DNAJC1: variants seen among roughly 807,000 people sequenced by gnomAD.
The protein encoded by DNAJC1 is dnaJ homolog subfamily C member 1.
A neutral mutation model predicts 76.6 loss-of-function variants in DNAJC1; 58 were observed. The observed-to-expected ratio is 0.76, with a 90% CI of 0.61 to 0.94. The LOEUF is 0.94. Ranked by LOEUF, DNAJC1 falls within the 40% of genes least tolerant of loss-of-function variation. DNAJC1 has a pLI of 0.00. For synonymous variants in DNAJC1, 258 were observed against 267.9 expected (o/e 0.96, Z 0.36); for missense variants, 689 against 677.3 (o/e 1.02, Z -0.19).
chr10:21,986,032 C>T (rs1176390937), intron 1 of DNAJC1, among the ~76,000 whole-genome samples: 6 of 152,172 alleles, frequency 3.9e-5, no homozygotes, highest in Non-Finnish European at 8.8e-5. Context: ...TGGAGACCAT[C>T]CTAGCTAACA....
At chr10:21,881,844 TAAAAAAAAAAAAAAAAAAAAAA>T (rs1002377641) in intron 8 of DNAJC1, among the ~76,000 whole-genome samples, 1 of 55,414 alleles carries the variant, frequency 1.8e-5, no homozygotes, top group East Asian at 5.1e-4. Flanking sequence ...CCTCAATTTG[TAAAAAAAAAAAAAAAAAAAAAA>T]AAAACCGGCC....
At chr10:21,904,775 T>C (rs537089517) in intron 6 of DNAJC1, among the ~76,000 whole-genome samples, 163 bp from the exon 7 acceptor site, 18 of 152,314 alleles carry the variant, frequency 1.2e-4, no homozygotes, top group African/African-American at 4.3e-4. Flanking sequence ...CTCTATGATT[T>C]TTCTCTCCTG....
At chr10:21,898,450 G>A (rs1200167142) in intron 7 of DNAJC1, among the ~76,000 whole-genome samples, 2 of 152,000 alleles carry the variant, frequency 1.3e-5, no homozygotes, top group Non-Finnish European at 2.9e-5. Context: ...CCACTGCACT[G>A]CCAGTTATAT....
chr10:21,819,795 T>A (rs181500714), intron 8 of DNAJC1, among the ~76,000 whole-genome samples: 7 of 152,100 alleles, frequency 4.6e-5, no homozygotes, highest in Non-Finnish European at 7.4e-5. Flanking sequence ...CAGGGCATGG[T>A]GGCACATGCT....
At position 21,834,525 on chromosome 10, in the gene DNAJC1, C is replaced by T. The variant is rs1024342879; in HGVS notation, c.979-28426G>A. On this transcript the variant is annotated intron_variant, in intron 8 of 11. Coordinates refer to ENST00000376980, the MANE Select transcript of DNAJC1 (RefSeq NM_022365.4). The stretch of plus-strand genomic sequence containing the variant: ...CGCGAGCCGAAGCAGGGCGAGGCAT[C>T]GCCTCACCCTGGAAGCCCAAGGGGT... 3.3e-5 allele frequency among the ~76,000 whole-genome samples: 5 copies of T among 152,288 alleles called. No individual in the cohort carries two copies. In the South Asian group the frequency reaches 6.2e-4, roughly 19 times the overall value.
chr10:21,897,048 T>C lies in DNAJC1; in HGVS notation c.820+7474A>G, dbSNP rs866722083. Among the ~76,000 whole-genome samples the C allele has an allele frequency of 3.9e-5, 6 of 152,194 alleles. No homozygotes were observed. The South Asian group carries it at 6.2e-4, about 16-fold the overall frequency. On this transcript the variant is annotated intron_variant, in intron 7 of 11. Coordinates refer to ENST00000376980, the MANE Select transcript of DNAJC1 (RefSeq NM_022365.4). Reference sequence around the variant, plus strand: ...ACCAAACGTACTGATGCCCTGATCTTGGACTCCCCAGCATCAAGAAGAGAA... The same window carrying C: ...ACCAAACGTACTGATGCCCTGATCTCGGACTCCCCAGCATCAAGAAGAGAA...
intron 8 of DNAJC1, among the ~76,000 whole-genome samples, chr10:21,820,178 A>C (rs535882048): frequency 2.9e-4 from 44 of 152,328 alleles, no homozygotes; most frequent in East Asian, 3.9e-4. Flanking sequence ...TTTCATAAAA[A>C]TGGAATCATA....
intron 5 of DNAJC1, 31 bp from the exon 6 acceptor site, chr10:21,918,903 C>T: frequency 6.8e-7 from 1 of 1,478,514 alleles, no homozygotes; most frequent in Non-Finnish European, 9.5e-7. Flanking sequence ...GAACACCATA[C>T]AACATATGAG....
intron 8 of DNAJC1, among the ~76,000 whole-genome samples, chr10:21,829,330 C>T (rs563564221): frequency 6.6e-6 from 1 of 152,266 alleles, no homozygotes; most frequent in Admixed American, 6.5e-5. Context: ...TCTCCTGCCT[C>T]AGCCTCCCGG....
intron 1 of DNAJC1, among the ~76,000 whole-genome samples, chr10:21,952,067 C>G (rs1837606004): frequency 6.6e-6 from 1 of 151,948 alleles, no homozygotes; most frequent in South Asian, 2.1e-4. Flanking sequence ...ATTTGCTTAG[C>G]CAAATAGAAA....
rs201131287 is a variant in DNAJC1 at position 21,964,091 on chromosome 10, TAAATTTTTGAAAAGA to T, written c.223-34965_223-34951del. ...AAAGTTGTCTAAAGTTAATTAATGG[TAAATTTTTGAAAAGA>T]AAATTTTTGAAAAGACATGGTATAT... On this transcript the variant is annotated intron_variant, in intron 1 of 11. Coordinates refer to ENST00000376980, the MANE Select transcript of DNAJC1 (RefSeq NM_022365.4). 9.1e-3 allele frequency among the ~76,000 whole-genome samples: 1,387 copies of T among 152,354 alleles called. 28 individuals carry two copies. The highest frequency in any genetic ancestry group is 0.032 in the African/African-American group (1,316 of 41,590).
At chr10:21,905,868 T>A (rs138668563) in intron 6 of DNAJC1, among the ~76,000 whole-genome samples, 1 of 152,100 alleles carries the variant, frequency 6.6e-6, no homozygotes, top group South Asian at 2.1e-4. Flanking sequence ...TCTCAGACCA[T>A]AAGATTCCTA....
intron 3 of DNAJC1, among the ~76,000 whole-genome samples, chr10:21,921,211 A>G (rs186902830): frequency 6.6e-6 from 1 of 152,044 alleles, no homozygotes; most frequent in African/African-American, 2.4e-5. Context: ...TACAGCACCC[A>G]AAGATGTGAC....
intron 8 of DNAJC1, among the ~76,000 whole-genome samples, chr10:21,808,700 T>A (rs1427878422): frequency 6.6e-6 from 1 of 152,216 alleles, no homozygotes; most frequent in Non-Finnish European, 1.5e-5. Context: ...ATGGTGTGAA[T>A]GTACTCTCCC....
In DNAJC1 at chr10:21,929,135, A is replaced by G. The variant is rs1013454217; in HGVS notation, c.229T>C (p.Ser77Pro). 4 of 1,608,978 alleles carry G rather than the reference A, an allele frequency of 2.5e-6. No individual in the cohort carries two copies. The highest frequency in any genetic ancestry group is 1.6e-4 in the Middle Eastern group (1 of 6,074). ...YQFLGVQQDA[S>P]SADIRKAYRK... is the part of the protein sequence containing the mutation. ...TATGCTTTTCTGATGTCTGCAGATG[A>G]TGCATCCTGGAGGTGGTAGGGGGAG... Residue 77 changes from serine to proline, a missense_variant, in exon 2 of 12, where the codon TCA becomes CCA. Coordinates refer to ENST00000376980, the MANE Select transcript of DNAJC1 (RefSeq NM_022365.4).
chr10:21,865,244 T>G (rs1251795323), intron 8 of DNAJC1: 1 of 152,128 alleles, frequency 6.6e-6, no homozygotes, highest in Non-Finnish European at 1.5e-5. Flanking sequence ...AAAGCATATG[T>G]CCACACAAAA....
intron 8 of DNAJC1, among the ~76,000 whole-genome samples, chr10:21,871,235 CT>C (rs1277114829): frequency 6.6e-6 from 1 of 151,524 alleles, no homozygotes; most frequent in Non-Finnish European, 1.5e-5. Flanking sequence ...TCCTGGGAAC[CT>C]AGAAGGCCAT....
intron 1 of DNAJC1, among the ~76,000 whole-genome samples, chr10:21,952,651 C>T (rs576124616): frequency 2.0e-4 from 30 of 152,184 alleles, no homozygotes; most frequent in African/African-American, 6.7e-4. Flanking sequence ...TCCAGTTACT[C>T]GGTAGGCTGA....
chr10:21,894,185 G>T (rs1490267721), intron 7 of DNAJC1, among the ~76,000 whole-genome samples: 2 of 152,104 alleles, frequency 1.3e-5, no homozygotes, highest in Admixed American at 1.3e-4. Flanking sequence ...ATACTCCAAA[G>T]AAAGAAATAT....
Sources: allele counts gnomAD v4.1 joint callset (sites outside exome capture counted in the v4.1 genomes callset), GRCh38; gene constraint gnomAD v4.1.1; transcripts MANE v1.5; gene names NCBI Gene and HGNC (gene_info 2026-07-23, HGNC 2026-07-21).